USP13: variants seen among roughly 807,000 people sequenced by gnomAD.
USP13 encodes ubiquitin specific peptidase 13.
In USP13, 68 loss-of-function variants were observed where a neutral mutation model predicts 107.8. The observed-to-expected ratio is 0.63, with a 90% confidence interval of 0.52 to 0.77. The LOEUF is 0.77. USP13 is among the 30% of genes least tolerant of loss of function. The probability of loss-of-function intolerance (pLI) is 0.00; values close to 1 mark genes in which losing one functional copy is unlikely to be tolerated. For missense variants in USP13, 945 were observed against 1,093.3 expected (o/e 0.86, Z 1.91); for synonymous variants, 377 against 389.5 (o/e 0.97, Z 0.38).
chr3:179,739,163 C>G (rs774840781), intron 10 of USP13, among the ~76,000 whole-genome samples: 1 of 152,210 alleles, frequency 6.6e-6, no homozygotes, highest in Non-Finnish European at 1.5e-5. Context: ...CTGCCCTGAG[C>G]CTTCTCCACT....
Position 179,754,782 on chromosome 3 carries a change from AG to A in USP13, c.1854del (p.Leu619TyrfsTer15), listed in dbSNP as rs1333558391. On this transcript the variant is annotated frameshift_variant, in exon 15 of 21. Coordinates refer to ENST00000263966, the MANE Select transcript of USP13 (RefSeq NM_003940.3). LOFTEE classifies it high-confidence loss of function. Reference sequence around the variant, plus strand: ...ACTTGATATCAACCATCTCCGAGCCAGGGGGTTACAGCCAGGAGAGGAAGAA... The same window carrying A: ...ACTTGATATCAACCATCTCCGAGCCAGGGGTTACAGCCAGGAGAGGAAGAA... ...DLLDINHLRA[R>X]GLQPGEEELP... The A allele has an allele frequency of 1.9e-6, 3 of 1,613,442 alleles. No individual in the cohort carries two copies. Among genetic ancestry groups the A allele is most frequent in the Non-Finnish European group, 2.5e-6 (3 of 1,179,790 alleles).
intron 4 of USP13, among the ~76,000 whole-genome samples, chr3:179,706,072 G>T (rs1372292502): frequency 6.6e-6 from 1 of 151,814 alleles, no homozygotes; most frequent in Non-Finnish European, 1.5e-5. Flanking sequence ...GTTGTGTACA[G>T]GTTTTTGTGT....
At chr3:179,754,993 A>G (rs1228057211) in intron 15 of USP13, 139 bp downstream of exon 15, 11 of 1,154,116 alleles carry the variant, frequency 9.5e-6, no homozygotes, top group Non-Finnish European at 1.3e-5. Context: ...GTAACCCACC[A>G]CCGACACAGG....
At chr3:179,727,100 A>C (rs1034957208) in intron 8 of USP13, among the ~76,000 whole-genome samples, 1 of 151,792 alleles carries the variant, frequency 6.6e-6, no homozygotes, top group Non-Finnish European at 1.5e-5. Context: ...CCTCCAGAAA[A>C]CGGTAGCTGT....
intron 1 of USP13, among the ~76,000 whole-genome samples, chr3:179,663,975 C>G (rs910657304): frequency 3.3e-5 from 5 of 152,278 alleles, no homozygotes; most frequent in African/African-American, 9.6e-5. Context: ...TTTGCCTTCA[C>G]TTTGTACATC....
At chr3:179,700,884 T>G (rs1712491624) in intron 3 of USP13, 124 bp from the exon 4 acceptor site, 20 of 1,211,444 alleles carry the variant, frequency 1.7e-5, no homozygotes, top group Non-Finnish European at 2.2e-5. Context: ...AGGAGAAAGT[T>G]GTAAATGTCA....
intron 1 of USP13, among the ~76,000 whole-genome samples, chr3:179,658,799 C>T (rs541108713): frequency 2.6e-5 from 4 of 152,288 alleles, no homozygotes; most frequent in South Asian, 2.1e-4. Context: ...GAAAAGCCCT[C>T]GCTCTTCCAA....
Position 179,721,668 on chromosome 3 carries a change from G to T in USP13, c.1088+79G>T. ...GTCCAGTCCACTCAGTGTGCGCTGCGAAGCCCATCTTTATTGCTTCAGGAC... is the reference window on the plus strand; with the variant it reads ...GTCCAGTCCACTCAGTGTGCGCTGCTAAGCCCATCTTTATTGCTTCAGGAC... On this transcript the variant is annotated intron_variant, in intron 8 of 20. Coordinates refer to ENST00000263966, the MANE Select transcript of USP13 (RefSeq NM_003940.3). This position sits in a 1 kb window ranked among gnomAD's most constrained non-coding sequence, Gnocchi z 4.3. 1 of 1,475,338 alleles carries T rather than the reference G, an allele frequency of 6.8e-7. No homozygotes were observed. 91.4% of individuals were successfully genotyped at this position (1,475,338 alleles called of 1,614,324 possible). A position where few individuals can be genotyped will look rare whatever the true frequency, so the allele number is the denominator to read the frequency against.
Position 179,784,144 on chromosome 3 carries a change from C to T in USP13, c.*3C>T. 6.3e-7 allele frequency: 1 copy of T among 1,593,934 alleles called. No homozygotes were observed. The highest frequency in any genetic ancestry group is 8.5e-7 in the Non-Finnish European group (1 of 1,174,256). On this transcript the variant is annotated 3_prime_UTR_variant, in exon 21 of 21. Coordinates refer to ENST00000263966, the MANE Select transcript of USP13 (RefSeq NM_003940.3). ...TTTACCGCAGGATACCAAGCTAAAC[C>T]TCAAATATAAAAATTGGCGAAAAGA...
At chr3:179,744,152 G>A (rs1426527955) in intron 12 of USP13, among the ~76,000 whole-genome samples, 2 of 152,098 alleles carry the variant, frequency 1.3e-5, no homozygotes, top group African/African-American at 4.8e-5. Context: ...ACAGGAAGTT[G>A]TCTCGGCAGT....
At chr3:179,688,087 A>ATCCATCCATCTG (rs1711943910) in intron 2 of USP13, among the ~76,000 whole-genome samples, 2 of 114,830 alleles carry the variant, frequency 1.7e-5, no homozygotes, top group Non-Finnish European at 4.0e-5. Context: ...ATATCCATCC[A>ATCCATCCATCTG]TCCATCCATC....
chr3:179,709,081 A>AT, intron 6 of USP13, 124 bp downstream of exon 6: 4 of 1,175,336 alleles, frequency 3.4e-6, no homozygotes, highest in Non-Finnish European at 2.3e-6. Flanking sequence ...TTGAATTCTA[A>AT]TTCTGCCTCT....
chr3:179,741,124 A>T (rs1362546345), intron 11 of USP13, among the ~76,000 whole-genome samples: 1 of 152,032 alleles, frequency 6.6e-6, no homozygotes, highest in Non-Finnish European at 1.5e-5. Context: ...TTTGTGGAAA[A>T]TATAGAAAAC....
At chr3:179,760,507 T>C (rs2108534022) in intron 16 of USP13, among the ~76,000 whole-genome samples, 1 of 152,172 alleles carries the variant, frequency 6.6e-6, no homozygotes, top group Admixed American at 6.5e-5. Flanking sequence ...ATGGTCTCGA[T>C]CTCCTGACCT....
chr3:179,726,589 T>C (rs1036759295), intron 8 of USP13, among the ~76,000 whole-genome samples: 7 of 152,000 alleles, frequency 4.6e-5, no homozygotes, highest in Non-Finnish European at 4.4e-5. Context: ...GGGCAGTGGA[T>C]GGGCAGACAC....
At position 179,653,081 on chromosome 3, in the gene USP13, C is replaced by T. The variant is rs1033973248; in HGVS notation, c.-145C>T. 3 of 687,424 alleles carry T rather than the reference C, an allele frequency of 4.4e-6. No homozygotes were observed. Among genetic ancestry groups the T allele is most frequent in the Non-Finnish European group, 5.4e-6 (3 of 558,908 alleles). The allele number at this position is 687,424 out of a possible 1,614,324, so 42.6% of individuals were successfully genotyped here. On this transcript the variant is annotated 5_prime_UTR_variant, in exon 1 of 21. Coordinates refer to ENST00000263966, the MANE Select transcript of USP13 (RefSeq NM_003940.3). The surrounding 1 kb of genome is among the most constrained non-coding windows in gnomAD (Gnocchi z 4.0). ...GCGGTGCCCGCTCCCGCCCCGCAGC[C>T]CGCTCTCCCCGCCCGCCCCGGCTCG...
chr3:179,668,591 C>G (rs774006859), intron 1 of USP13, among the ~76,000 whole-genome samples: 3 of 152,140 alleles, frequency 2.0e-5, no homozygotes, highest in Non-Finnish European at 4.4e-5. Flanking sequence ...AGGTCTCACT[C>G]TGTTGTCCAG....
rs964081265 is a variant in USP13 at position 179,788,797 on chromosome 3, C to T, written c.*4656C>T. The T allele has an allele frequency of 2.0e-5, 3 of 152,052 alleles. No homozygotes were observed. Among genetic ancestry groups the T allele is most frequent in the African/African-American group, 7.2e-5 (3 of 41,402 alleles). 9.4% of individuals were successfully genotyped at this position (152,052 alleles called of 1,614,324 possible). A position where few individuals can be genotyped will look rare whatever the true frequency, so the allele number is the denominator to read the frequency against. On this transcript the variant is annotated 3_prime_UTR_variant, in exon 21 of 21. Coordinates refer to ENST00000263966, the MANE Select transcript of USP13 (RefSeq NM_003940.3). The stretch of plus-strand genomic sequence containing the variant: ...GGCAGTGAAATCCGTAAATAGGAAA[C>T]GCAATTCTGCAAAGTATCTAAATAG...
At position 179,706,989 on chromosome 3, in the gene USP13, A is replaced by G; in HGVS notation, c.533A>G (p.Asp178Gly). Residue 178 changes from aspartate to glycine, a missense_variant, in exon 5 of 21, where the codon GAC (aspartate) becomes GGC (glycine). Asp to Gly is a moderately conservative substitution (Grantham distance 94, BLOSUM62 -1). Transcript: ENST00000263966. ...LSSKSPYRKQ[D>G]PDTWENELPV... The stretch of plus-strand genomic sequence containing the variant: ...TCAAAATCTCCATACAGAAAGCAGG[A>G]CCCAGACACGTGGGAAAATGAATTG... The G allele has an allele frequency of 1.2e-6, 2 of 1,614,142 alleles. No individual in the cohort carries two copies. The highest frequency in any genetic ancestry group is 1.7e-6 in the Non-Finnish European group (2 of 1,180,030).
Sources: allele counts gnomAD v4.1 joint callset (sites outside exome capture counted in the v4.1 genomes callset), GRCh38; gene constraint gnomAD v4.1.1; non-coding constraint Gnocchi (gnomAD v3.1); transcripts MANE v1.5; gene names NCBI Gene and HGNC (gene_info 2026-07-23, HGNC 2026-07-21).